CPT1A: variants seen among roughly 807,000 people sequenced by gnomAD.
CPT1A encodes carnitine O-palmitoyltransferase 1, liver isoform.
A neutral mutation model predicts 100.8 loss-of-function variants in CPT1A; 64 were observed. The ratio of observed to expected loss-of-function variants is 0.63; its 90% CI spans 0.52 to 0.78. The LOEUF is 0.78. Ranked by LOEUF, CPT1A falls within the 30% of genes least tolerant of loss-of-function variation. The pLI is 0.00. For missense variants in CPT1A, 802 were observed against 1,034.1 expected (o/e 0.78, Z 3.08); for synonymous variants, 363 against 396.0 (o/e 0.92, Z 0.99).
intron 1 of CPT1A, among the ~76,000 whole-genome samples, chr11:68,830,997 G>GT (rs1414859048): frequency 6.6e-6 from 1 of 152,150 alleles, no homozygotes; most frequent in Non-Finnish European, 1.5e-5. Context: ...ATCAACAATC[G>GT]TGGGGGGGAA....
intron 1 of CPT1A, among the ~76,000 whole-genome samples, chr11:68,824,794 C>CTT (rs60451933): frequency 0.14 from 17,116 of 120,256 alleles, 1,688 homozygotes; most frequent in South Asian, 0.23. Flanking sequence ...GCAATTGTAT[C>CTT]TTTTTTTTTT....
rs779601515 is a variant in CPT1A at position 68,815,501 on chromosome 11, G to A, written c.-13-14C>T. 1 of 1,613,472 alleles carries A rather than the reference G, an allele frequency of 6.2e-7. No homozygotes were observed. Among genetic ancestry groups the A allele is most frequent in the South Asian group, 1.1e-5 (1 of 91,062 alleles). ...TTCAGAGAGTACCTGGAAGGAGAAG[G>A]AGAAAATGTAACACAGTGGAACGTG... is the stretch of plus-strand genomic sequence containing the variant. On this transcript the variant is annotated splice_polypyrimidine_tract_variant and intron_variant, in intron 1 of 18. Coordinates refer to ENST00000265641, the MANE Select transcript of CPT1A (RefSeq NM_001876.4).
intron 14 of CPT1A, among the ~76,000 whole-genome samples, chr11:68,764,824 G>A (rs1359101286): frequency 6.6e-6 from 1 of 152,284 alleles, no homozygotes; most frequent in Non-Finnish European, 1.5e-5. Context: ...CGGCTTTGCA[G>A]AGGGAAGCGT....
chr11:68,826,593 C>G (rs1428366805), intron 1 of CPT1A, among the ~76,000 whole-genome samples: 1 of 151,554 alleles, frequency 6.6e-6, no homozygotes, highest in Non-Finnish European at 1.5e-5. Context: ...AAAAAATTAG[C>G]CGGGCGTGGT....
At chr11:68,813,087 T>C (rs912879711) in intron 2 of CPT1A, among the ~76,000 whole-genome samples, 2 of 151,354 alleles carry the variant, frequency 1.3e-5, no homozygotes, top group South Asian at 2.1e-4. Flanking sequence ...TCAAACAAAA[T>C]TGGCAAAATT....
At chr11:68,817,659 C>G in intron 1 of CPT1A, among the ~76,000 whole-genome samples, 1 of 140,722 alleles carries the variant, frequency 7.1e-6, no homozygotes. Flanking sequence ...GGGTCAAGGG[C>G]AGGAGGCTGG....
In CPT1A at chr11:68,761,604, G is replaced by T; in HGVS notation, c.1959C>A (p.Ile653=). The change falls in exon 16 of 19, where the codon ATC becomes ATA. Residue 653 remains isoleucine, a synonymous_variant. Coordinates refer to ENST00000265641, the MANE Select transcript of CPT1A (RefSeq NM_001876.4). ...MYRLAMTGSG[I]DRHLFCLYVV... is the part of the protein sequence containing the mutation. ...CGTAAAGGCAGAAGAGGTGACGATC[G>T]ATCCCAGAGCCGGTCATGGCGAGGC... 2 of 1,614,064 alleles carry T rather than the reference G, an allele frequency of 1.2e-6. No homozygotes were observed. Among genetic ancestry groups the T allele is most frequent in the Non-Finnish European group, 8.5e-7 (1 of 1,180,012 alleles).
intron 15 of CPT1A, 29 bp from the exon 16 acceptor site, chr11:68,761,716 T>C (rs776573287): frequency 3.1e-6 from 5 of 1,613,806 alleles, no homozygotes; most frequent in South Asian, 1.1e-5. Flanking sequence ...GAAGGACATA[T>C]GTTGCATGTC....
At chr11:68,835,262 G>A (rs1156537425) in intron 1 of CPT1A, among the ~76,000 whole-genome samples, 2 of 152,116 alleles carry the variant, frequency 1.3e-5, no homozygotes, top group African/African-American at 2.4e-5. Context: ...ATCGGCACTC[G>A]GGCAGGAGCT....
In CPT1A at chr11:68,781,776, G is replaced by A. The variant is rs769751060; in HGVS notation, c.1347C>T (p.Tyr449=). 26 of 1,614,058 alleles carry A rather than the reference G, an allele frequency of 1.6e-5. No individual in the cohort carries two copies. The highest frequency in any genetic ancestry group is 4.5e-5 in the East Asian group (2 of 44,902). ...TCAGAAGGTAAGGACGGTACCTGTC[G>A]TAACATCGGCCGTGTAGTAGAGATT... ...YAKSLLHGRC[Y]DRWFDKSFTF... The change falls in exon 11 of 19, where the codon TAC becomes TAT. Residue 449 remains tyrosine, a synonymous_variant. Transcript: ENST00000265641.
At position 68,757,584 on chromosome 11, in the gene CPT1A, T is replaced by C. The variant is rs1946715536; in HGVS notation, c.*60A>G. On this transcript the variant is annotated 3_prime_UTR_variant, in exon 19 of 19. Transcript: ENST00000265641. ...CCGAGCTAAGGTCAGGATTAATGCC[T>C]ATTTTTCATTTGGTTTGCATCAGAA... 6.2e-7 allele frequency: 1 copy of C among 1,613,286 alleles called. No homozygotes were observed. Among genetic ancestry groups the C allele is most frequent in the East Asian group, 2.2e-5 (1 of 44,872 alleles).
chr11:68,821,445 G>A (rs1001806453), intron 1 of CPT1A, among the ~76,000 whole-genome samples: 4 of 151,124 alleles, frequency 2.6e-5, no homozygotes, highest in East Asian at 1.9e-4. Flanking sequence ...GAGCCACCGC[G>A]CCCGGCCTAC....
chr11:68,826,035 G>C (rs1856717502), intron 1 of CPT1A, among the ~76,000 whole-genome samples: 1 of 152,200 alleles, frequency 6.6e-6, no homozygotes, highest in South Asian at 2.1e-4. Flanking sequence ...ATGGTAACCA[G>C]ATAAAGCCAT....
At chr11:68,774,567 G>A (rs753130609) in intron 13 of CPT1A, among the ~76,000 whole-genome samples, 53 of 150,804 alleles carry the variant, frequency 3.5e-4, no homozygotes, top group Admixed American at 6.0e-4. Context: ...CTCAGCCTCC[G>A]GAGTAGCTGG....
intron 9 of CPT1A, chr11:68,786,175 A>G: frequency 1.5e-6 from 1 of 651,556 alleles, no homozygotes; most frequent in Admixed American, 2.3e-5. Context: ...CAGCCTGGGC[A>G]ACATGGCAAA....
At chr11:68,783,274 C>A (rs933581882) in intron 10 of CPT1A, among the ~76,000 whole-genome samples, 5 of 151,860 alleles carry the variant, frequency 3.3e-5, no homozygotes, top group African/African-American at 1.2e-4. Context: ...ACTCATGCAC[C>A]CCCGGCCCCA....
intron 14 of CPT1A, among the ~76,000 whole-genome samples, chr11:68,769,511 A>G (rs1035902248): frequency 1.3e-5 from 2 of 149,890 alleles, no homozygotes; most frequent in African/African-American, 2.5e-5. Flanking sequence ...TCAGCCACCC[A>G]AAGTGCTAGG....
chr11:68,766,335 A>G (rs1854798579), intron 14 of CPT1A, among the ~76,000 whole-genome samples: 1 of 152,108 alleles, frequency 6.6e-6, no homozygotes, highest in Non-Finnish European at 1.5e-5. Context: ...AGAGACCCAC[A>G]GGGCCACAGC....
rs145119878 is a variant in CPT1A at position 68,838,958 on chromosome 11, G to A, written c.-14+2817C>T. On this transcript the variant is annotated intron_variant, in intron 1 of 18. Transcript: ENST00000265641. The stretch of plus-strand genomic sequence containing the variant: ...AAAAGTCTTCACAAGAAAAGCTCAA[G>A]ACTGGCAGAAGACAAGTGAGGCCTC... 3.8e-3 allele frequency among the ~76,000 whole-genome samples: 580 copies of A among 152,282 alleles called. 7 individuals are homozygous for A. Among genetic ancestry groups the A allele is most frequent in the Non-Finnish European group, 5.4e-3 (369 of 68,006 alleles).
Sources: allele counts gnomAD v4.1 joint callset (sites outside exome capture counted in the v4.1 genomes callset), GRCh38; gene constraint gnomAD v4.1.1; transcripts MANE v1.5; gene names NCBI Gene and HGNC (gene_info 2026-07-23, HGNC 2026-07-21).